DLC1: variants seen among roughly 807,000 people sequenced by gnomAD.
DLC1 encodes the protein DLC1 Rho GTPase activating protein, also known as rho GTPase-activating protein 7.
DLC1 carries 54 observed loss-of-function variants against 140.3 expected under a neutral mutation model. That is an observed-to-expected ratio of 0.38 (90% confidence interval 0.31 to 0.48). The LOEUF is 0.48. Among genes scored for constraint, DLC1 ranks in the 20% least tolerant of loss-of-function variants. DLC1 has a pLI of 0.96. For synonymous variants in DLC1, 986 were observed against 728.1 expected (o/e 1.35, Z -5.70); for missense variants, 2,536 against 1,907.0 (o/e 1.33, Z -6.14).
At chr8:13,159,349 C>G (rs906464597) in intron 5 of DLC1, among the ~76,000 whole-genome samples, 1 of 152,168 alleles carries the variant, frequency 6.6e-6, no homozygotes, top group African/African-American at 2.4e-5. Context: ...GTGGTGCCAG[C>G]CACCCCAGAG....
chr8:13,431,684 A>T (rs1054134889), intron 2 of DLC1, among the ~76,000 whole-genome samples: 4 of 151,676 alleles, frequency 2.6e-5, no homozygotes, highest in African/African-American at 9.7e-5. Flanking sequence ...AAGAAAAAAA[A>T]ATCATGTGTA....
chr8:13,221,646 CG>C (rs1828553363), intron 5 of DLC1, among the ~76,000 whole-genome samples: 1 of 148,404 alleles, frequency 6.7e-6, no homozygotes. Context: ...GCTGGGATTA[CG>C]GGTGTGAGCC....
rs1804344720 is a variant in DLC1, at chr8:13,564,198, A to G, written c.-126+40339T>C. Reference sequence around the variant, plus strand: ...AAAGATAATAACACCAAAGATGCAGAAAACAGAATAGAAAGATGGAGATAA... The same window carrying G: ...AAAGATAATAACACCAAAGATGCAGGAAACAGAATAGAAAGATGGAGATAA... On this transcript the variant is annotated intron_variant, in intron 1 of 1. Coordinates refer to the DLC1 transcript ENST00000631382. Among the ~76,000 whole-genome samples, 3 of 152,238 alleles carry G rather than the reference A, an allele frequency of 2.0e-5. No homozygotes were observed. In the South Asian group the frequency reaches 6.2e-4, roughly 31 times the overall value.
intron 5 of DLC1, among the ~76,000 whole-genome samples, chr8:13,298,503 A>G (rs537727328): frequency 1.3e-5 from 2 of 152,366 alleles, no homozygotes; most frequent in South Asian, 2.1e-4. Context: ...CAGAACATCT[A>G]TATTTTAATA....
At chr8:13,188,815 ATATATATATATG>A (rs1300376720) in intron 5 of DLC1, among the ~76,000 whole-genome samples, 7 of 41,576 alleles carry the variant, frequency 1.7e-4, no homozygotes, top group African/African-American at 5.7e-4. Flanking sequence ...ATATATATAT[ATATATATATATG>A]TATATATATA....
intron 15 of DLC1, among the ~76,000 whole-genome samples, chr8:13,089,122 G>A (rs1405555597): frequency 1.3e-5 from 2 of 151,968 alleles, no homozygotes; most frequent in African/African-American, 4.8e-5. Context: ...AGCCAGGCGT[G>A]GTGGCAGGCA....
At chr8:13,150,851 C>G (rs180935917) in intron 5 of DLC1, among the ~76,000 whole-genome samples, 4 of 152,220 alleles carry the variant, frequency 2.6e-5, no homozygotes, top group Non-Finnish European at 4.4e-5. Context: ...AGAGAACTTT[C>G]TTCCCTGGAG....
chr8:13,546,148 A>C (rs566081578), intron 1 of DLC1, among the ~76,000 whole-genome samples: 2 of 152,118 alleles, frequency 1.3e-5, no homozygotes, highest in African/African-American at 4.8e-5. Context: ...GCTCATGGTC[A>C]GTTTGCTGGA....
At chr8:13,308,099 A>G (rs1409567045) in intron 4 of DLC1, among the ~76,000 whole-genome samples, 2 of 152,222 alleles carry the variant, frequency 1.3e-5, no homozygotes, top group African/African-American at 4.8e-5. Context: ...AGCCTTTTCT[A>G]TATTTTATTT....
At chr8:13,539,874 G>A (rs1803426937) in intron 1 of DLC1, among the ~76,000 whole-genome samples, 1 of 151,940 alleles carries the variant, frequency 6.6e-6, no homozygotes, top group Admixed American at 6.6e-5. Context: ...AACACTCCAG[G>A]AAGTGCTGAT....
intron 5 of DLC1, among the ~76,000 whole-genome samples, chr8:13,195,356 A>G (rs554953781): frequency 2.5e-4 from 38 of 152,330 alleles, no homozygotes; most frequent in African/African-American, 8.9e-4. Context: ...GTTTCAATCA[A>G]TCATGTTCTT....
intron 1 of DLC1, among the ~76,000 whole-genome samples, chr8:13,546,026 A>G (rs1374780733): frequency 1.3e-5 from 2 of 152,240 alleles, no homozygotes; most frequent in African/African-American, 4.8e-5. Context: ...TATGTTAAAG[A>G]GAATGGGGAA....
chr8:13,325,834 C>T (rs1833320972), intron 4 of DLC1, among the ~76,000 whole-genome samples: 1 of 152,084 alleles, frequency 6.6e-6, no homozygotes, highest in African/African-American at 2.4e-5. Context: ...AAGAAAATAG[C>T]TTTTAATCAG....
chr8:13,600,838 G>A (rs767733673), intron 1 of DLC1, among the ~76,000 whole-genome samples: 45 of 151,132 alleles, frequency 3.0e-4, no homozygotes, highest in East Asian at 7.8e-4. Flanking sequence ...ACTGATCAGG[G>A]CATTTATTTG....
intron 2 of DLC1, among the ~76,000 whole-genome samples, chr8:13,465,217 C>G (rs1489742935): frequency 2.0e-5 from 3 of 152,048 alleles, no homozygotes; most frequent in Admixed American, 1.3e-4. Context: ...TATTCTTGTC[C>G]ACCTTTCCTG....
At chr8:13,257,512 A>G (rs888890471) in intron 5 of DLC1, among the ~76,000 whole-genome samples, 11 of 151,954 alleles carry the variant, frequency 7.2e-5, no homozygotes, top group Admixed American at 2.0e-4. Flanking sequence ...AGCTATTGGT[A>G]GAGATGATCT....
chr8:13,120,330 GA>G (rs1164786789), intron 5 of DLC1, among the ~76,000 whole-genome samples: 9 of 25,342 alleles, frequency 3.6e-4, no homozygotes, highest in Non-Finnish European at 1.5e-3. Flanking sequence ...ATGACAGAAA[GA>G]GACTCCGTCG....
At chr8:13,146,049 C>T (rs189156916) in intron 5 of DLC1, among the ~76,000 whole-genome samples, 37 of 152,068 alleles carry the variant, frequency 2.4e-4, no homozygotes, top group Admixed American at 1.9e-3. Flanking sequence ...GAGGCTGAGG[C>T]GGGTGGATCA....
chr8:13,443,762 C>G (rs1203013238), intron 2 of DLC1, among the ~76,000 whole-genome samples: 1 of 152,106 alleles, frequency 6.6e-6, no homozygotes, highest in Non-Finnish European at 1.5e-5. Context: ...AATACTTTCC[C>G]CAGGCTTTTC....
Sources: gnomAD v4.1 joint callset for allele counts (sites outside exome capture counted in the v4.1 genomes callset) on GRCh38, gnomAD v4.1.1 for gene constraint, MANE v1.5 for transcripts, NCBI Gene and HGNC (gene_info 2026-07-23, HGNC 2026-07-21) for gene names.